CDH18: variants seen among roughly 807,000 people sequenced by gnomAD.
CDH18 encodes cadherin-18.
CDH18 carries 31 observed loss-of-function variants against 67.9 expected under a neutral mutation model. That is an observed-to-expected ratio of 0.46 (90% confidence interval 0.34 to 0.62). The LOEUF is 0.62. Among genes scored for constraint, CDH18 ranks in the 20% least tolerant of loss-of-function variants. CDH18 has a pLI of 0.01. For synonymous variants in CDH18, 362 were observed against 347.2 expected (o/e 1.04, Z -0.48); for missense variants, 890 against 975.5 (o/e 0.91, Z 1.17).
chr5:19,959,511 A>T (rs1028617862), intron 2 of CDH18, among the ~76,000 whole-genome samples: 4 of 151,938 alleles, frequency 2.6e-5, no homozygotes, highest in African/African-American at 9.7e-5. Context: ...TTCCAAGAAA[A>T]CTCATTTTGT....
chr5:20,210,047 AT>A (rs1220370202), intron 2 of CDH18, among the ~76,000 whole-genome samples: 1 of 151,560 alleles, frequency 6.6e-6, no homozygotes, highest in Non-Finnish European at 1.5e-5. Context: ...TTATTATGAA[AT>A]TATTTGTATT....
chr5:20,133,726 G>T (rs1013782924), intron 2 of CDH18, among the ~76,000 whole-genome samples: 9 of 151,716 alleles, frequency 5.9e-5, no homozygotes, highest in Non-Finnish European at 1.0e-4. Flanking sequence ...TAACCTTCAA[G>T]ATTTATTTTT....
At chr5:19,792,615 G>A (rs62355760) in intron 3 of CDH18, among the ~76,000 whole-genome samples, 9,456 of 152,034 alleles carry the variant, frequency 0.062, 340 homozygotes, top group Non-Finnish European at 0.081. Flanking sequence ...AATTTCCCTG[G>A]AGAATCCTAA....
chr5:20,305,094 G>A (rs1736304583), intron 1 of CDH18: 7 of 1,568,758 alleles, frequency 4.5e-6, no homozygotes, highest in African/African-American at 1.4e-5. Context: ...AGGCGGTAGG[G>A]CCATTTGCAG....
At chr5:19,533,261 G>C (rs1425090544) in intron 9 of CDH18, among the ~76,000 whole-genome samples, 3 of 152,172 alleles carry the variant, frequency 2.0e-5, no homozygotes, top group African/African-American at 7.2e-5. Flanking sequence ...TTTCTTGAAA[G>C]AGTTGTTAAT....
chr5:19,968,506 T>C (rs1236155195), intron 2 of CDH18, among the ~76,000 whole-genome samples: 4 of 151,862 alleles, frequency 2.6e-5, no homozygotes, highest in East Asian at 3.9e-4. Context: ...TATAGATCAA[T>C]GGAACAGAAC....
chr5:19,999,098 T>G (rs77756023), intron 2 of CDH18, among the ~76,000 whole-genome samples: 2,988 of 152,192 alleles, frequency 0.02, 45 homozygotes, highest in Middle Eastern at 0.044. Context: ...AATAAGGTGC[T>G]AAGGAAAAAG....
chr5:19,635,670 A>C (rs895995610), intron 5 of CDH18, among the ~76,000 whole-genome samples: 4 of 152,200 alleles, frequency 2.6e-5, no homozygotes, highest in African/African-American at 9.6e-5. Context: ...TAGAATGCAG[A>C]CTATATGTTA....
At chr5:20,476,729 T>C (rs1407665353) in intron 1 of CDH18, among the ~76,000 whole-genome samples, 1 of 152,316 alleles carries the variant, frequency 6.6e-6, no homozygotes, top group Middle Eastern at 3.4e-3. Flanking sequence ...TATTACTCTG[T>C]GTTAAAAGCT....
chr5:19,754,521 C>A (rs532396188), intron 3 of CDH18, among the ~76,000 whole-genome samples: 9 of 152,260 alleles, frequency 5.9e-5, no homozygotes, highest in Non-Finnish European at 1.0e-4. Context: ...GAAACAATTA[C>A]TACTAGACCT....
At chr5:19,645,829 A>G (rs1754655145) in intron 5 of CDH18, among the ~76,000 whole-genome samples, 1 of 152,190 alleles carries the variant, frequency 6.6e-6, no homozygotes, top group Non-Finnish European at 1.5e-5. Flanking sequence ...TTTCTCCTGA[A>G]AATCTTAAAG....
At chr5:20,331,165 C>T (rs1173788549) in intron 1 of CDH18, among the ~76,000 whole-genome samples, 2 of 152,140 alleles carry the variant, frequency 1.3e-5, no homozygotes, top group African/African-American at 2.4e-5. Flanking sequence ...TTTCTTTAAC[C>T]TCTGTCTACC....
chr5:20,487,163 G>A (rs145929244), intron 1 of CDH18, among the ~76,000 whole-genome samples: 100 of 152,204 alleles, frequency 6.6e-4, no homozygotes, highest in African/African-American at 2.3e-3. Flanking sequence ...GTTTCCCATG[G>A]TACTGGCTCT....
intron 1 of CDH18, among the ~76,000 whole-genome samples, chr5:20,280,284 G>A (rs1228369610): frequency 1.3e-5 from 2 of 151,772 alleles, no homozygotes; most frequent in African/African-American, 4.8e-5. Context: ...ATGTACACAT[G>A]TGCCATTTTG....
At chr5:20,455,908 T>A (rs1380599963) in intron 1 of CDH18, among the ~76,000 whole-genome samples, 1 of 152,110 alleles carries the variant, frequency 6.6e-6, no homozygotes, top group Non-Finnish European at 1.5e-5. Flanking sequence ...TGTTCAGCTA[T>A]GTTATTTACC....
At chr5:20,514,862 ATGAAGTTTTTGACTGGTGAC>A in intron 1 of CDH18, among the ~76,000 whole-genome samples, 1 of 152,224 alleles carries the variant, frequency 6.6e-6, no homozygotes, top group East Asian at 1.9e-4. Flanking sequence ...CCTGTATGCC[ATGAAGTTTTTGACTGGTGAC>A]TTAAGCATTA....
intron 1 of CDH18, among the ~76,000 whole-genome samples, chr5:20,368,523 G>T (rs1454614390): frequency 6.6e-6 from 1 of 152,144 alleles, no homozygotes; most frequent in African/African-American, 2.4e-5. Context: ...CATTGACAGA[G>T]AAATGTTTCA....
At chr5:19,489,258 T>C (rs1360838181) in intron 11 of CDH18, among the ~76,000 whole-genome samples, 3 of 149,370 alleles carry the variant, frequency 2.0e-5, no homozygotes, top group Admixed American at 6.7e-5. Context: ...TTCTTTTTTT[T>C]TTTTTTTGAG....
intron 1 of CDH18, among the ~76,000 whole-genome samples, chr5:20,516,120 G>A (rs1001904296): frequency 6.6e-6 from 1 of 151,908 alleles, no homozygotes; most frequent in Non-Finnish European, 1.5e-5. Context: ...GATAATGAAT[G>A]CTAATTGTAA....
Sources: gnomAD v4.1 joint callset for allele counts (sites outside exome capture counted in the v4.1 genomes callset) on GRCh38, gnomAD v4.1.1 for gene constraint, MANE v1.5 for transcripts, NCBI Gene and HGNC (gene_info 2026-07-23, HGNC 2026-07-21) for gene names.